The following KIAA1549 variants were observed in gnomAD, a reference collection of about 807,000 sequenced individuals.
KIAA1549 encodes the protein UPF0606 protein KIAA1549.
KIAA1549 carries 70 observed loss-of-function variants against 156.4 expected under a neutral mutation model. That is an observed-to-expected ratio of 0.45 (90% CI 0.37 to 0.55). The LOEUF is 0.55. Among genes scored for constraint, KIAA1549 ranks in the 20% least tolerant of loss-of-function variants. The pLI is 0.00. For synonymous variants in KIAA1549, 1,103 were observed against 1,066.4 expected (o/e 1.03, Z -0.67); for missense variants, 2,428 against 2,540.9 (o/e 0.96, Z 0.96).
At chr7:138,859,810 GCCTCTGTT>G (rs1470866279) in intron 16 of KIAA1549, among the ~76,000 whole-genome samples, 1 of 152,150 alleles carries the variant, frequency 6.6e-6, no homozygotes, top group Non-Finnish European at 1.5e-5. Context: ...GGTAAACCCA[GCCTCTGTT>G]CCTCCATCTG....
chr7:138,840,936 C>T (rs898827540), intron 18 of KIAA1549, among the ~76,000 whole-genome samples: 1 of 152,214 alleles, frequency 6.6e-6, no homozygotes, highest in African/African-American at 2.4e-5. Context: ...GACTTGGTAC[C>T]AGTTCTATCT....
intron 16 of KIAA1549, among the ~76,000 whole-genome samples, chr7:138,857,293 T>A (rs117585591): frequency 7.9e-5 from 12 of 152,288 alleles, no homozygotes; most frequent in Admixed American, 1.3e-4. Context: ...ACCCTGATTA[T>A]TTTAAATAAT....
Position 138,881,480 on chromosome 7 carries a change from T to G in KIAA1549, c.4137A>C (p.Gly1379=). 1 of 1,613,968 alleles carries G rather than the reference T, an allele frequency of 6.2e-7. No homozygotes were observed. Among genetic ancestry groups the G allele is most frequent in the Non-Finnish European group, 8.5e-7 (1 of 1,179,878 alleles). ...LIIHEPAPLP[G]PLKDHTTPSE... ...AGGGCGTGGTGTGGTCCTTCAGAGG[T>G]CCTGGCAGTGGCGCTGGCTCATGAA... Residue 1379 remains glycine (G), a synonymous_variant, in exon 11 of 20, where the codon GGA becomes GGC. Coordinates refer to ENST00000422774, the MANE Select transcript of KIAA1549 (RefSeq NM_001164665.2).
At chr7:138,876,837 G>A (rs1215121126) in intron 12 of KIAA1549, among the ~76,000 whole-genome samples, 1 of 152,144 alleles carries the variant, frequency 6.6e-6, no homozygotes, top group Non-Finnish European at 1.5e-5. Context: ...ATCTCTTAAG[G>A]GTTCATGGAT....
chr7:138,854,925 A>G (rs1036373781), intron 16 of KIAA1549, among the ~76,000 whole-genome samples: 7 of 152,220 alleles, frequency 4.6e-5, no homozygotes, highest in African/African-American at 1.7e-4. Flanking sequence ...CAGAAACCAA[A>G]TAAGGAAAGG....
rs376589057 is a variant in KIAA1549 at position 138,852,264 on chromosome 7, G to A, written c.5253C>T (p.Tyr1751=). The change falls in exon 17 of 20, where the codon TAC becomes TAT. Residue 1751 remains tyrosine, a synonymous_variant. Transcript: ENST00000422774. ...AQTANNPCSR[Y]EDYGMTPPTG... is the part of the protein sequence containing the mutation. ...TCGGGGGAGTCATTCCATAGTCTTC[G>A]TATCTCTGGAAGACATACAAAAGAA... is the stretch of plus-strand genomic sequence containing the variant. 349 of 1,604,084 alleles carry A rather than the reference G, an allele frequency of 2.2e-4. 3 individuals are homozygous for A. The South Asian group carries it at 2.8e-3, about 13-fold the overall frequency.
At chr7:138,903,542 T>C (rs779436841) in intron 8 of KIAA1549, 46 bp downstream of exon 8, 8 of 1,591,468 alleles carry the variant, frequency 5.0e-6, no homozygotes, top group South Asian at 3.4e-5. Flanking sequence ...GCAAGCGCTG[T>C]CTCTCTCCCT....
intron 1 of KIAA1549, among the ~76,000 whole-genome samples, chr7:138,930,102 A>G (rs1812829473): frequency 6.6e-6 from 1 of 152,196 alleles, no homozygotes; most frequent in South Asian, 2.1e-4. Context: ...TCTTGATAAG[A>G]GTTATTGGGT....
At chr7:138,860,890 A>G (rs1810551145) in intron 16 of KIAA1549, among the ~76,000 whole-genome samples, 1 of 152,192 alleles carries the variant, frequency 6.6e-6, no homozygotes, top group South Asian at 2.1e-4. Context: ...TCCTCCACAA[A>G]GCAAAAGTCC....
In KIAA1549 at chr7:138,911,199, A is replaced by G; in HGVS notation, c.3092T>C (p.Leu1031Pro). ...CACAAGGAAAGAAGGTTTCACAGAC[A>G]GGATTAAAGGAGTCTGGTCACGGAC... Reference protein sequence around the residue: ...KLVRDQTPLILSVKPSFLVPE... With the variant: ...KLVRDQTPLIPSVKPSFLVPE... Residue 1031 changes from leucine to proline, a missense_variant, in exon 4 of 20, where the codon CTG (leucine) becomes CCG (proline). Physicochemically the swap from Leu to Pro is moderately conservative, Grantham distance 98 (BLOSUM62 -3). Transcript: ENST00000422774. 6.3e-7 allele frequency: 1 copy of G among 1,598,156 alleles called. No homozygotes were observed. Among genetic ancestry groups the G allele is most frequent in the East Asian group, 2.3e-5 (1 of 44,438 alleles).
rs773567342 is a variant in KIAA1549 at position 138,903,663 on chromosome 7, C to A, written c.3594G>T (p.Gln1198His). Residue 1198 changes from glutamine (Q) to histidine (H), a missense_variant, in exon 8 of 20, where the codon CAG becomes CAT. Physicochemically the swap from Gln to His is conservative, Grantham distance 24 (BLOSUM62 0). Transcript: ENST00000422774. ...TTCTGGTGGAAACCTCGCTGAGCAGCTGGGCCAGCTTGCGTTCCATCTCGG... is the reference window on the plus strand; with the variant it reads ...TTCTGGTGGAAACCTCGCTGAGCAGATGGGCCAGCTTGCGTTCCATCTCGG... ...FQAEMERKLAQLLSEVSTRRR... is the reference protein window; with the variant it reads ...FQAEMERKLAHLLSEVSTRRR... 2.5e-6 allele frequency: 4 copies of A among 1,612,578 alleles called. No homozygotes were observed. The African/African-American group carries it at 5.3e-5, about 22-fold the overall frequency.
Position 138,852,210 on chromosome 7 carries a change from T to C in KIAA1549, c.5294+13A>G. The C allele has an allele frequency of 6.2e-7, 1 of 1,601,330 alleles. No homozygotes were observed. The highest frequency in any genetic ancestry group is 2.2e-5 in the East Asian group (1 of 44,802). On this transcript the variant is annotated intron_variant, in intron 17 of 19. Coordinates refer to ENST00000422774, the MANE Select transcript of KIAA1549 (RefSeq NM_001164665.2). ...TGAGAAAGTGATAATACATTTTGTT[T>C]TGAAAACCTTACCTTGGCAATGGAC...
Position 138,916,732 on chromosome 7 carries a change from G to C in KIAA1549, c.2878+16C>G. ...GATTGCCCACCCCAGAGAGGCGGCA[G>C]GAAGCTGGGCCTTACCAGTTGTGAT... On this transcript the variant is annotated intron_variant, in intron 2 of 19. Coordinates refer to ENST00000422774, the MANE Select transcript of KIAA1549 (RefSeq NM_001164665.2). 1 of 1,613,146 alleles carries C rather than the reference G, an allele frequency of 6.2e-7. No homozygotes were observed. The highest frequency in any genetic ancestry group is 1.1e-5 in the South Asian group (1 of 90,736).
intron 1 of KIAA1549, among the ~76,000 whole-genome samples, chr7:138,954,341 C>T (rs1813596361): frequency 6.6e-6 from 1 of 152,158 alleles, no homozygotes. Context: ...CAGAAGGCCT[C>T]ACGGGGCATG....
intron 9 of KIAA1549, among the ~76,000 whole-genome samples, chr7:138,897,423 A>G (rs942289032): frequency 2.1e-4 from 32 of 152,218 alleles, no homozygotes; most frequent in African/African-American, 7.2e-4. Context: ...ACTATCAAGG[A>G]TAATTTAAAA....
chr7:138,861,361 T>A lies in KIAA1549; in HGVS notation c.5025A>T (p.Pro1675=). 2 of 1,609,058 alleles carry A rather than the reference T, an allele frequency of 1.2e-6. No individual in the cohort carries two copies. The highest frequency in any genetic ancestry group is 1.7e-6 in the Non-Finnish European group (2 of 1,178,596). ...ALPFPASQYI[P]PQPSIEEARQ... is the part of the protein sequence containing the mutation. ...GTGCCTCCTCGATGGACGGCTGGGG[T>A]GGGATGTACTGGGAGGCCGGGAAGG... The change falls in exon 16 of 20, where the codon CCA becomes CCT. Residue 1675 remains proline (P), a synonymous_variant. Coordinates refer to ENST00000422774, the MANE Select transcript of KIAA1549 (RefSeq NM_001164665.2).
At chr7:138,977,007 T>C (rs1484377911) in intron 1 of KIAA1549, among the ~76,000 whole-genome samples, 1 of 152,148 alleles carries the variant, frequency 6.6e-6, no homozygotes, top group Non-Finnish European at 1.5e-5. Context: ...CCTAAACGAC[T>C]CACAAAGCAT....
chr7:138,966,095 A>G (rs936361365), intron 1 of KIAA1549, among the ~76,000 whole-genome samples: 2 of 152,178 alleles, frequency 1.3e-5, no homozygotes, highest in African/African-American at 4.8e-5. Context: ...ATGTTAGTTT[A>G]TCACTGTTAC....
chr7:138,912,144 T>A (rs1327846497), intron 3 of KIAA1549, among the ~76,000 whole-genome samples: 2 of 151,962 alleles, frequency 1.3e-5, no homozygotes, highest in African/African-American at 4.8e-5. Flanking sequence ...TGCCAACACA[T>A]CCCCTAAAGG....
Sources: gnomAD v4.1 joint callset for allele counts (sites outside exome capture counted in the v4.1 genomes callset) on GRCh38, gnomAD v4.1.1 for gene constraint, MANE v1.5 for transcripts, NCBI Gene and HGNC (gene_info 2026-07-23, HGNC 2026-07-21) for gene names.